The following UBR3 variants were observed in gnomAD, a reference collection of about 807,000 sequenced individuals.
The protein encoded by UBR3 is E3 ubiquitin-protein ligase UBR3.
In UBR3, 85 loss-of-function variants were observed where a neutral mutation model predicts 243.2. The ratio of observed to expected loss-of-function variants is 0.35; its 90% confidence interval spans 0.29 to 0.42. UBR3 has a LOEUF of 0.42. UBR3 is among the 10% of genes least tolerant of loss of function. The pLI is 1.00. For missense variants in UBR3, 1,686 were observed against 2,300.8 expected (o/e 0.73, Z 5.47); for synonymous variants, 748 against 799.8 (o/e 0.94, Z 1.09).
intron 36 of UBR3, chr2:170,078,267 G>A: frequency 2.4e-6 from 1 of 408,606 alleles, no homozygotes; most frequent in Non-Finnish European, 4.6e-6. Flanking sequence ...CATTTACAGT[G>A]TAATTCAATA....
chr2:169,978,391 G>A (rs1163875304), intron 24 of UBR3, among the ~76,000 whole-genome samples: 3 of 152,080 alleles, frequency 2.0e-5, no homozygotes, highest in African/African-American at 7.2e-5. Flanking sequence ...TTGCCACAGA[G>A]TCAGGATCTG....
chr2:169,881,959 C>A (rs549221861), intron 5 of UBR3, among the ~76,000 whole-genome samples: 7 of 96,642 alleles, frequency 7.2e-5, no homozygotes, highest in Non-Finnish European at 1.5e-4. Context: ...TGTATGTATA[C>A]ATACATATGT....
At chr2:169,831,361 G>A (rs2081937185) in intron 1 of UBR3, among the ~76,000 whole-genome samples, 1 of 150,066 alleles carries the variant, frequency 6.7e-6, no homozygotes, top group African/African-American at 2.5e-5. Context: ...TGTTGGTCAG[G>A]CTGGTCTTGA....
At chr2:169,896,486 T>C (rs2084599709) in intron 7 of UBR3, 21 bp from the exon 8 acceptor site, 2 of 1,431,370 alleles carry the variant, frequency 1.4e-6, no homozygotes, top group African/African-American at 1.4e-5. Context: ...TGTTTTTTCC[T>C]TTCTATTAAA....
intron 8 of UBR3, among the ~76,000 whole-genome samples, chr2:169,903,106 A>G (rs2084892502): frequency 6.6e-6 from 1 of 152,196 alleles, no homozygotes; most frequent in Non-Finnish European, 1.5e-5. Context: ...TGCTCAATAA[A>G]TATTTGTTGA....
intron 18 of UBR3, among the ~76,000 whole-genome samples, chr2:169,931,829 A>G (rs1051025186): frequency 6.6e-6 from 1 of 152,126 alleles, no homozygotes; most frequent in Non-Finnish European, 1.5e-5. Flanking sequence ...TGCAAGTTAC[A>G]ATTTTCTAAT....
intron 8 of UBR3, among the ~76,000 whole-genome samples, chr2:169,902,102 TCTAA>T (rs1451161103): frequency 6.6e-6 from 1 of 152,216 alleles, no homozygotes; most frequent in Non-Finnish European, 1.5e-5. Flanking sequence ...GATTCCACTG[TCTAA>T]CTATCTAAAC....
chr2:169,902,051 G>T (rs945400326), intron 8 of UBR3, among the ~76,000 whole-genome samples: 1 of 151,922 alleles, frequency 6.6e-6, no homozygotes, highest in African/African-American at 2.4e-5. Context: ...ACATTATCTT[G>T]TGTGTGTGTG....
intron 18 of UBR3, among the ~76,000 whole-genome samples, chr2:169,930,171 C>G (rs1436789934): frequency 6.6e-6 from 1 of 151,972 alleles, no homozygotes; most frequent in African/African-American, 2.4e-5. Context: ...GAATGCAGGC[C>G]CCTGTGTCTC....
At chr2:169,921,691 C>T (rs1486389156) in intron 11 of UBR3, among the ~76,000 whole-genome samples, 3 of 152,082 alleles carry the variant, frequency 2.0e-5, no homozygotes, top group Non-Finnish European at 4.4e-5. Context: ...GGTGGTAGAA[C>T]CAGGATTCTG....
At chr2:170,005,452 A>G (rs1323292939) in intron 27 of UBR3, among the ~76,000 whole-genome samples, 1 of 152,200 alleles carries the variant, frequency 6.6e-6, no homozygotes. Context: ...GTTTGGTGTG[A>G]ATGATGAAAG....
chr2:169,942,387 C>T, intron 19 of UBR3, 106 bp from the exon 20 acceptor site: 3 of 1,084,774 alleles, frequency 2.8e-6, no homozygotes, highest in Non-Finnish European at 3.8e-6. Flanking sequence ...TTAAAAATAG[C>T]ACTGCATAAA....
At chr2:169,845,125 G>GT (rs2082423510) in intron 1 of UBR3, among the ~76,000 whole-genome samples, 1 of 152,108 alleles carries the variant, frequency 6.6e-6, no homozygotes, top group South Asian at 2.1e-4. Flanking sequence ...TCATTTAGAA[G>GT]TTTTGAGTTT....
chr2:169,958,424 T>C lies in UBR3; in HGVS notation c.3546-14T>C, dbSNP rs369669868. Reference sequence around the variant, plus strand: ...CGCATCTGATACTTAAAACTTTATTTCTGTTTAATCTAGGCGACAGAAGGC... The same window carrying C: ...CGCATCTGATACTTAAAACTTTATTCCTGTTTAATCTAGGCGACAGAAGGC... On this transcript the variant is annotated splice_polypyrimidine_tract_variant and intron_variant, in intron 23 of 38. Coordinates refer to ENST00000272793, the MANE Select transcript of UBR3 (RefSeq NM_172070.4). The C allele has an allele frequency of 6.2e-7, 1 of 1,610,832 alleles. No individual in the cohort carries two copies. The highest frequency in any genetic ancestry group is 1.3e-5 in the African/African-American group (1 of 74,698).
chr2:170,018,115 T>C (rs1574404597), intron 30 of UBR3, among the ~76,000 whole-genome samples: 1 of 152,194 alleles, frequency 6.6e-6, no homozygotes, highest in Non-Finnish European at 1.5e-5. Flanking sequence ...TTTCAGCCAT[T>C]GGTTTAGTCA....
chr2:169,853,172 G>A (rs193060722), intron 1 of UBR3, among the ~76,000 whole-genome samples: 1 of 152,132 alleles, frequency 6.6e-6, no homozygotes, highest in Middle Eastern at 3.2e-3. Flanking sequence ...TGAGAAAATG[G>A]TGCTGTCCTT....
At position 170,061,153 on chromosome 2, in the gene UBR3, A is replaced by G. The variant is rs1331704852; in HGVS notation, c.4860A>G (p.Leu1620=). The G allele has an allele frequency of 6.2e-7, 1 of 1,600,970 alleles. No individual in the cohort carries two copies. The highest frequency in any genetic ancestry group is 8.5e-7 in the Non-Finnish European group (1 of 1,176,514). ...TAAGTGAACTATTTAAAGGAAAGTT[A>G]TACCATGAAGAAGGAACTCAGGAAT... ...FVISELFKGK[L]YHEEGTQECA... is the part of the protein sequence containing the mutation. The change falls in exon 34 of 39, where the codon TTA becomes TTG. Residue 1620 remains leucine (L), a synonymous_variant. Transcript: ENST00000272793.
At chr2:169,912,688 A>G (rs2085300140) in intron 10 of UBR3, among the ~76,000 whole-genome samples, 1 of 152,204 alleles carries the variant, frequency 6.6e-6, no homozygotes, top group Non-Finnish European at 1.5e-5. Flanking sequence ...TTTTTGTGTG[A>G]ACATATATTT....
chr2:170,058,501 TTTC>T (rs2091387288), intron 33 of UBR3, among the ~76,000 whole-genome samples: 1 of 146,746 alleles, frequency 6.8e-6, no homozygotes, highest in South Asian at 2.2e-4. Context: ...TTTTCCTTTC[TTTC>T]TTTTCTTATC....
Sources: gnomAD v4.1 joint callset for allele counts (sites outside exome capture counted in the v4.1 genomes callset) on GRCh38, gnomAD v4.1.1 for gene constraint, MANE v1.5 for transcripts, NCBI Gene and HGNC (gene_info 2026-07-23, HGNC 2026-07-21) for gene names.